SLC5A11: variants seen among roughly 807,000 people sequenced by gnomAD.
The protein encoded by SLC5A11 is solute carrier family 5 member 11.
In SLC5A11, 48 loss-of-function variants were observed where a neutral mutation model predicts 69.8. The observed-to-expected ratio is 0.69, with a 90% confidence interval of 0.55 to 0.87. The LOEUF is 0.87. SLC5A11 is among the 40% of genes least tolerant of loss of function. The pLI is 0.00. For missense variants in SLC5A11, 784 were observed against 866.1 expected, an observed-to-expected ratio of 0.91 and a Z score of 1.19; for synonymous variants, 319 against 342.4, an observed-to-expected ratio of 0.93 and a Z score of 0.75.
chr16:24,890,746 A>T, intron 8 of SLC5A11, 123 bp from the exon 10 acceptor site: 2 of 866,490 alleles, frequency 2.3e-6, no homozygotes, highest in Non-Finnish European at 3.8e-6. Flanking sequence ...AAGAACCCTT[A>T]AGGGGATTAA....
At chr16:24,870,325 G>A (rs1473046554) in intron 4 of SLC5A11, among the ~76,000 whole-genome samples, 4 of 151,720 alleles carry the variant, frequency 2.6e-5, no homozygotes, top group Non-Finnish European at 4.4e-5. Context: ...CCCGGGAGGC[G>A]GAGGTTGCAG....
intron 11 of SLC5A11, 87 bp from the exon 13 acceptor site, chr16:24,906,938 A>C: frequency 1.3e-6 from 2 of 1,547,650 alleles, no homozygotes; most frequent in Non-Finnish European, 1.8e-6. Flanking sequence ...GTCCTCCCTG[A>C]GGTTCTGCCT....
At chr16:24,895,093 C>T (rs938726753) in intron 9 of SLC5A11, among the ~76,000 whole-genome samples, 3 of 151,608 alleles carry the variant, frequency 2.0e-5, no homozygotes, top group African/African-American at 7.3e-5. Flanking sequence ...CCACTGCACT[C>T]CAATCTGGGT....
chr16:24,861,874 T>G (rs1334316140), intron 2 of SLC5A11: 1 of 152,194 alleles, frequency 6.6e-6, no homozygotes, highest in Admixed American at 6.5e-5. Flanking sequence ...CGAGGGTGAT[T>G]AAGTCATAAG....
chr16:24,868,434 CAA>C (rs527506260), intron 3 of SLC5A11, among the ~76,000 whole-genome samples: 6 of 128,794 alleles, frequency 4.7e-5, no homozygotes, highest in East Asian at 2.2e-4. Context: ...ACTAAAAATA[CAA>C]AAAAAAAAAA....
chr16:24,901,444 G>A (rs12149422), intron 10 of SLC5A11, among the ~76,000 whole-genome samples: 14,888 of 150,656 alleles, frequency 0.099, 931 homozygotes, highest in Non-Finnish European at 0.13. Flanking sequence ...ATGAAACCTC[G>A]TATCTACAAA....
intron 9 of SLC5A11, among the ~76,000 whole-genome samples, chr16:24,892,049 TAA>T (rs35705061): frequency 1.9e-4 from 18 of 97,012 alleles, no homozygotes; most frequent in African/African-American, 3.4e-4. Flanking sequence ...AGACCATCTC[TAA>T]AAAAAAAAAA....
chr16:24,890,742 C>T (rs187458532), intron 8 of SLC5A11, 127 bp from the exon 10 acceptor site: 8 of 842,088 alleles, frequency 9.5e-6, no homozygotes, highest in South Asian at 8.9e-5. Context: ...GGTTAAGAAC[C>T]CTTAAGGGGA....
chr16:24,881,912 A>C (rs2048072152), intron 7 of SLC5A11, among the ~76,000 whole-genome samples: 1 of 152,174 alleles, frequency 6.6e-6, no homozygotes, highest in South Asian at 2.1e-4. Context: ...TGAGCCTTAC[A>C]TTTGTTCTAA....
At chr16:24,863,725 G>A (rs2046743542) in intron 3 of SLC5A11, among the ~76,000 whole-genome samples, 1 of 152,184 alleles carries the variant, frequency 6.6e-6, no homozygotes, top group Non-Finnish European at 1.5e-5. Context: ...AATTCAGGAA[G>A]CATTTATTCA....
chr16:24,869,561 C>G lies in SLC5A11; in HGVS notation c.208-340C>G, dbSNP rs534833846. Among the ~76,000 whole-genome samples the G allele has an allele frequency of 2.0e-3, 298 of 152,314 alleles. 1 individual carries two copies. The highest frequency in any genetic ancestry group is 6.9e-3 in the African/African-American group (288 of 41,566). On this transcript the variant is annotated intron_variant, in intron 3 of 15. Transcript: ENST00000347898. ...TCATCATGAATCACTTTCTACATTA[C>G]CTGTCACCTTCTTTCCCGACCCCCG...
intron 8 of SLC5A11, among the ~76,000 whole-genome samples, chr16:24,888,034 A>G (rs2048498836): frequency 6.6e-6 from 1 of 152,184 alleles, no homozygotes; most frequent in Non-Finnish European, 1.5e-5. Flanking sequence ...ATAAGGATTT[A>G]GAAGATATAA....
chr16:24,901,954 A>ACACACACG (rs1266534128), intron 10 of SLC5A11, among the ~76,000 whole-genome samples: 5 of 88,424 alleles, frequency 5.7e-5, no homozygotes, highest in African/African-American at 1.8e-4. Context: ...ACACACACAC[A>ACACACACG]CACGCACACA....
At chr16:24,888,203 A>G (rs1311055031) in intron 8 of SLC5A11, among the ~76,000 whole-genome samples, 1 of 152,034 alleles carries the variant, frequency 6.6e-6, no homozygotes, top group African/African-American at 2.4e-5. Flanking sequence ...CACCCCAAAA[A>G]TTAAACTCAT....
rs370647622 is a variant in SLC5A11, at chr16:24,858,794, G to A, written c.135+16G>A. On this transcript the variant is annotated intron_variant, in intron 2 of 15. Transcript: ENST00000347898. ...TGGACTATGGGTAAGCCAGGCCACT[G>A]GGGGATGGGGGATGAAGAGAGAAGG... 31 of 1,604,398 alleles carry A rather than the reference G, an allele frequency of 1.9e-5. No individual in the cohort carries two copies. In the African/African-American group the frequency reaches 4.1e-4, roughly 21 times the overall value.
intron 7 of SLC5A11, among the ~76,000 whole-genome samples, chr16:24,881,775 CA>C (rs2048059252): frequency 1.3e-5 from 2 of 152,202 alleles, no homozygotes; most frequent in African/African-American, 4.8e-5. Context: ...TATTCCACTC[CA>C]GGGGGTGCCA....
chr16:24,905,504 T>A (rs1046974185), intron 10 of SLC5A11, among the ~76,000 whole-genome samples: 3 of 151,948 alleles, frequency 2.0e-5, no homozygotes, highest in African/African-American at 4.8e-5. Flanking sequence ...CTGGGTGTGA[T>A]GGTACATGCC....
chr16:24,884,030 C>G (rs1169770013), intron 7 of SLC5A11, 21 bp from the exon 9 acceptor site: 1 of 1,612,636 alleles, frequency 6.2e-7, no homozygotes, highest in African/African-American at 1.3e-5. Flanking sequence ...CTGACCCTCA[C>G]CTCCGTGCTC....
exon 16 of SLC5A11, chr16:24,911,346 A>T (rs1486698051): frequency 6.2e-7 from 1 of 1,614,054 alleles, no homozygotes; most frequent in Non-Finnish European, 8.5e-7. Flanking sequence ...ACCCCAAAGC[A>T]GTCCAAAGTG....
Sources: gnomAD v4.1 joint callset for allele counts (sites outside exome capture counted in the v4.1 genomes callset) on GRCh38, gnomAD v4.1.1 for gene constraint, MANE v1.5 for transcripts, NCBI Gene and HGNC (gene_info 2026-07-23, HGNC 2026-07-21) for gene names.